The following NAA15 variants were observed in gnomAD, a reference collection of about 807,000 sequenced individuals.
NAA15 encodes the protein N-alpha-acetyltransferase 15, NatA auxiliary subunit.
In NAA15, 34 loss-of-function variants were observed where a neutral mutation model predicts 114.0. That is an observed-to-expected ratio of 0.30 (90% confidence interval 0.23 to 0.40). The LOEUF is 0.40. NAA15 is among the 10% of genes least tolerant of loss of function. The pLI is 1.00. For synonymous variants in NAA15, 340 were observed against 338.0 expected, an observed-to-expected ratio of 1.01 and a Z score of -0.06; for missense variants, 658 against 1,004.5, an observed-to-expected ratio of 0.66 and a Z score of 4.66.
chr4:139,367,690 A>G (rs1173173074), intron 14 of NAA15, among the ~76,000 whole-genome samples: 1 of 152,198 alleles, frequency 6.6e-6, no homozygotes, highest in Non-Finnish European at 1.5e-5. Flanking sequence ...TTGTAATGCC[A>G]AGCCCCTTTG....
At chr4:139,357,899 A>G (rs1399589985) in intron 11 of NAA15, among the ~76,000 whole-genome samples, 1 of 152,244 alleles carries the variant, frequency 6.6e-6, no homozygotes, top group Non-Finnish European at 1.5e-5. Context: ...AAATTTGAGT[A>G]TGATAACATA....
chr4:139,336,205 A>G (rs1024822519), intron 2 of NAA15, among the ~76,000 whole-genome samples: 1 of 152,212 alleles, frequency 6.6e-6, no homozygotes, highest in Non-Finnish European at 1.5e-5. Context: ...TTAGGCAAAT[A>G]ATGTTTTCAC....
At chr4:139,359,710 T>C in intron 11 of NAA15, 33 bp from the exon 12 acceptor site, 2 of 1,573,498 alleles carry the variant, frequency 1.3e-6, no homozygotes, top group Non-Finnish European at 1.7e-6. Flanking sequence ...CTTAGCATGC[T>C]AACTGGTTTA....
chr4:139,314,963 A>C (rs1182668542), intron 1 of NAA15, among the ~76,000 whole-genome samples: 3 of 124,076 alleles, frequency 2.4e-5, no homozygotes, highest in Admixed American at 1.6e-4. Context: ...GGCATGAGCA[A>C]CCACACCCGG....
chr4:139,378,296 T>G (rs1748647220), intron 16 of NAA15, among the ~76,000 whole-genome samples: 1 of 152,128 alleles, frequency 6.6e-6, no homozygotes, highest in Admixed American at 6.6e-5. Context: ...AAGATAACCT[T>G]GGTAACTATT....
chr4:139,336,819 T>C, intron 2 of NAA15, 29 bp from the exon 3 acceptor site: 1 of 1,330,280 alleles, frequency 7.5e-7, no homozygotes, highest in Non-Finnish European at 1.0e-6. Flanking sequence ...TTTTAAAATG[T>C]TCCTTTTCTT....
intron 14 of NAA15, among the ~76,000 whole-genome samples, chr4:139,368,758 T>C (rs1324475071): frequency 6.6e-6 from 1 of 152,130 alleles, no homozygotes; most frequent in Non-Finnish European, 1.5e-5. Flanking sequence ...AGGAAGAACT[T>C]GTGGGCATAT....
chr4:139,377,710 G>C (rs772631872), intron 16 of NAA15, among the ~76,000 whole-genome samples: 42 of 152,194 alleles, frequency 2.8e-4, no homozygotes, highest in Non-Finnish European at 5.3e-4. Context: ...AAAGATAACA[G>C]ATTGTCTCGA....
intron 1 of NAA15, among the ~76,000 whole-genome samples, chr4:139,330,673 A>T (rs1445477773): frequency 6.6e-6 from 1 of 152,128 alleles, no homozygotes; most frequent in Non-Finnish European, 1.5e-5. Flanking sequence ...ATTTTGGGCG[A>T]GAAAAATCAG....
chr4:139,341,712 CAAAAA>C (rs763798097), intron 4 of NAA15, among the ~76,000 whole-genome samples: 1 of 134,642 alleles, frequency 7.4e-6, no homozygotes, highest in Non-Finnish European at 1.6e-5. Flanking sequence ...GAAAGCAAAA[CAAAAA>C]AAAAATTTTT....
intron 1 of NAA15, among the ~76,000 whole-genome samples, chr4:139,329,705 C>T (rs1241578611): frequency 6.6e-6 from 1 of 152,170 alleles, no homozygotes; most frequent in Non-Finnish European, 1.5e-5. Context: ...TTTGTCTGGC[C>T]TTGTTATGTT....
At chr4:139,370,049 C>T (rs1748391435) in intron 14 of NAA15, among the ~76,000 whole-genome samples, 162 bp from the exon 15 acceptor site, 1 of 152,150 alleles carries the variant, frequency 6.6e-6, no homozygotes, top group Non-Finnish European at 1.5e-5. Flanking sequence ...AGGTCATCTG[C>T]CCACCTTGGC....
intron 15 of NAA15, 146 bp downstream of exon 15, chr4:139,370,550 T>G (rs1301593700): frequency 2.9e-6 from 2 of 690,994 alleles, no homozygotes; most frequent in Non-Finnish European, 4.2e-6. Flanking sequence ...TATTCTTTCT[T>G]TAATATTTTG....
chr4:139,332,609 G>A (rs1579100396), intron 1 of NAA15, among the ~76,000 whole-genome samples: 3 of 99,060 alleles, frequency 3.0e-5, no homozygotes, highest in East Asian at 6.3e-4. Context: ...TTGAGACGGA[G>A]TCTCACTCTG....
chr4:139,373,798 A>G (rs936467502), intron 15 of NAA15, among the ~76,000 whole-genome samples: 1 of 152,024 alleles, frequency 6.6e-6, no homozygotes, highest in African/African-American at 2.4e-5. Context: ...TCCCAGGTTC[A>G]AGCGATTCTC....
chr4:139,362,156 A>G (rs1033693364), intron 14 of NAA15, among the ~76,000 whole-genome samples: 6 of 152,240 alleles, frequency 3.9e-5, no homozygotes, highest in African/African-American at 1.4e-4. Context: ...AGAAGTTTGC[A>G]TGTTATGAGT....
chr4:139,305,027 C>A (rs781336948), intron 1 of NAA15, among the ~76,000 whole-genome samples: 8 of 152,212 alleles, frequency 5.3e-5, no homozygotes, highest in Non-Finnish European at 1.0e-4. Context: ...TCAAGCAGTC[C>A]TCCCGCTTCA....
intron 7 of NAA15, 74 bp downstream of exon 7, chr4:139,349,655 C>T (rs1747716268): frequency 7.2e-7 from 1 of 1,397,062 alleles, no homozygotes; most frequent in Non-Finnish European, 9.7e-7. Context: ...CATTGAAAAG[C>T]ACAACTAGAA....
chr4:139,376,709 G>T (rs1202667032), intron 16 of NAA15, among the ~76,000 whole-genome samples: 1 of 152,204 alleles, frequency 6.6e-6, no homozygotes, highest in East Asian at 1.9e-4. Context: ...ATTCAGGTCA[G>T]ATGTAATTAC....
Sources: allele counts gnomAD v4.1 joint callset (sites outside exome capture counted in the v4.1 genomes callset), GRCh38; gene constraint gnomAD v4.1.1; transcripts MANE v1.5; gene names NCBI Gene and HGNC (gene_info 2026-07-23, HGNC 2026-07-21).